The following GRIN2A variants were observed in gnomAD, a reference collection of about 807,000 sequenced individuals.
GRIN2A encodes the protein glutamate receptor ionotropic, NMDA 2A.
Under a neutral mutation model 113.4 loss-of-function variants are expected in GRIN2A, and 22 were observed. That is an observed-to-expected ratio of 0.19 (90% CI 0.14 to 0.28). The LOEUF (loss-of-function observed/expected upper bound fraction) is 0.28. GRIN2A is among the 10% of genes least tolerant of loss of function. The pLI is 1.00. For missense variants in GRIN2A, 1,502 were observed against 1,887.0 expected (o/e 0.80, Z 3.78); for synonymous variants, 827 against 738.4 (o/e 1.12, Z -1.94).
chr16:9,765,107 G>A (rs777361006), intron 12 of GRIN2A, among the ~76,000 whole-genome samples, 159 bp from the exon 13 acceptor site: 1 of 152,186 alleles, frequency 6.6e-6, no homozygotes, highest in Non-Finnish European at 1.5e-5. Context: ...GTCTCTTAAA[G>A]GTATGAGACA....
intron 2 of GRIN2A, among the ~76,000 whole-genome samples, chr16:10,050,088 T>C (rs1014647631): frequency 3.9e-5 from 6 of 152,174 alleles, no homozygotes; most frequent in Non-Finnish European, 8.8e-5. Context: ...ACAGAAGTGA[T>C]TGAGGATCTT....
chr16:9,758,111 CT>C lies in GRIN2A; in HGVS notation c.*5037del, dbSNP rs1255016421. On this transcript the variant is annotated 3_prime_UTR_variant, in exon 13 of 13. Transcript: ENST00000330684. ...GTAAACTTCATTTTTCTCATCTCTC[CT>C]CCCCTTCTCCTAACTTTTGGTGTGG... is the stretch of plus-strand genomic sequence containing the variant. The C allele has an allele frequency of 1.9e-5, 4 of 213,710 alleles. No homozygotes were observed. The highest frequency in any genetic ancestry group is 3.8e-5 in the Non-Finnish European group (4 of 105,796). The allele number at this position is 213,710 out of a possible 1,614,324, so 13.2% of individuals were successfully genotyped here.
intron 3 of GRIN2A, among the ~76,000 whole-genome samples, chr16:9,924,862 A>G (rs1317340930): frequency 6.6e-6 from 1 of 152,118 alleles, no homozygotes; most frequent in African/African-American, 2.4e-5. Flanking sequence ...GTAGTTTGAT[A>G]TGGTTCTTTA....
chr16:9,763,224 A>G lies in GRIN2A; in HGVS notation c.4320T>C (p.Ser1440=). ...PYAANKNNMY[S]TPRVLNSCSN... Reference sequence around the variant, plus strand: ...TGCAGGAATTTAAAACCCTGGGGGTAGAGTACATATTATTCTTATTTGCAG... The same window carrying G: ...TGCAGGAATTTAAAACCCTGGGGGTGGAGTACATATTATTCTTATTTGCAG... The change falls in exon 13 of 13, where the codon TCT becomes TCC. Residue 1440 remains serine, a synonymous_variant. Coordinates refer to ENST00000330684, the MANE Select transcript of GRIN2A (RefSeq NM_001134407.3). The G allele has an allele frequency of 6.2e-7, 1 of 1,613,956 alleles. No homozygotes were observed.
intron 2 of GRIN2A, among the ~76,000 whole-genome samples, chr16:10,015,293 AGGAAAG>A (rs2046588849): frequency 7.9e-6 from 1 of 125,942 alleles, no homozygotes. Context: ...AGAAAAAGAA[AGGAAAG>A]GAAAAGAAAA....
rs116692867 is a variant in GRIN2A at position 9,795,884 on chromosome 16, A to T, written c.2356+2393T>A. On this transcript the variant is annotated intron_variant, in intron 11 of 12. Coordinates refer to ENST00000330684, the MANE Select transcript of GRIN2A (RefSeq NM_001134407.3). Reference sequence around the variant, plus strand: ...CATCTCAAGAGTTTAGTCATCTTTGATAGATAACTTAGAGAATTAAATATA... The same window carrying T: ...CATCTCAAGAGTTTAGTCATCTTTGTTAGATAACTTAGAGAATTAAATATA... Among the ~76,000 whole-genome samples, 1,193 of 152,312 alleles carry T rather than the reference A, an allele frequency of 7.8e-3. 15 individuals are homozygous for T. The highest frequency in any genetic ancestry group is 0.027 in the African/African-American group (1,127 of 41,574).
intron 4 of GRIN2A, among the ~76,000 whole-genome samples, chr16:9,869,844 A>C (rs903580697): frequency 6.6e-6 from 1 of 152,220 alleles, no homozygotes; most frequent in African/African-American, 2.4e-5. Context: ...ACCAGCAGTC[A>C]GATGTCTGGC....
chr16:9,862,961 A>T (rs1194234366), intron 4 of GRIN2A, among the ~76,000 whole-genome samples: 1 of 152,186 alleles, frequency 6.6e-6, no homozygotes, highest in Non-Finnish European at 1.5e-5. Flanking sequence ...TGATCACCCC[A>T]ACGGGCATTT....
chr16:9,988,106 TACCAC>T (rs1215803570), intron 2 of GRIN2A, among the ~76,000 whole-genome samples: 1 of 152,028 alleles, frequency 6.6e-6, no homozygotes, highest in Non-Finnish European at 1.5e-5. Context: ...AACACCAACC[TACCAC>T]TTAGACGCAA....
chr16:10,045,733 T>C (rs755300452), intron 2 of GRIN2A, among the ~76,000 whole-genome samples: 2 of 152,256 alleles, frequency 1.3e-5, no homozygotes, highest in Non-Finnish European at 2.9e-5. Context: ...AAAGTCCTCC[T>C]GAAGCAGATC....
At chr16:9,788,740 C>CTTTT (rs748774026) in intron 11 of GRIN2A, among the ~76,000 whole-genome samples, 1 of 104,862 alleles carries the variant, frequency 9.5e-6, no homozygotes, top group East Asian at 2.4e-4. Flanking sequence ...TTTAAGTCTT[C>CTTTT]TTTTTTTTTT....
intron 9 of GRIN2A, among the ~76,000 whole-genome samples, chr16:9,826,864 G>C (rs923834118): frequency 2.6e-5 from 4 of 152,140 alleles, no homozygotes; most frequent in Admixed American, 2.6e-4. Context: ...ATGTTATTTA[G>C]ACCCAAAACT....
chr16:9,892,519 G>C (rs2043714529), intron 3 of GRIN2A, among the ~76,000 whole-genome samples: 1 of 152,140 alleles, frequency 6.6e-6, no homozygotes, highest in South Asian at 2.1e-4. Context: ...GATTAGATGA[G>C]GGGAAGGGAG....
At chr16:10,080,254 T>C (rs1202588635) in intron 2 of GRIN2A, among the ~76,000 whole-genome samples, 4 of 152,138 alleles carry the variant, frequency 2.6e-5, no homozygotes, top group Non-Finnish European at 5.9e-5. Flanking sequence ...CAAATATTTG[T>C]TGAATGAGCA....
chr16:10,024,622 T>C (rs141925508), intron 2 of GRIN2A, among the ~76,000 whole-genome samples: 1 of 152,352 alleles, frequency 6.6e-6, no homozygotes, highest in East Asian at 1.9e-4. Flanking sequence ...TCACAAGATA[T>C]GCCAAGATGG....
chr16:9,838,775 A>G (rs2042623872), intron 7 of GRIN2A, among the ~76,000 whole-genome samples: 1 of 152,192 alleles, frequency 6.6e-6, no homozygotes, highest in Non-Finnish European at 1.5e-5. Flanking sequence ...GAGATAAATG[A>G]AAGATGTGAA....
At chr16:10,083,262 C>T (rs973777903) in intron 2 of GRIN2A, among the ~76,000 whole-genome samples, 1 of 152,186 alleles carries the variant, frequency 6.6e-6, no homozygotes. Context: ...CACAACCAGT[C>T]CTTGCGTGAT....
chr16:9,873,440 C>T (rs990366980), intron 4 of GRIN2A, among the ~76,000 whole-genome samples: 1 of 152,086 alleles, frequency 6.6e-6, no homozygotes, highest in Non-Finnish European at 1.5e-5. Context: ...GTGGCTCATG[C>T]CTGTAATCCC....
At chr16:10,174,840 G>GA (rs142412213) in intron 2 of GRIN2A, among the ~76,000 whole-genome samples, 38,384 of 136,916 alleles carry the variant, frequency 0.28, 5,436 homozygotes, top group East Asian at 0.49. Context: ...CAGAGAACTG[G>GA]AAAAAAAAAA....
Sources: gnomAD v4.1 joint callset for allele counts (sites outside exome capture counted in the v4.1 genomes callset) on GRCh38, gnomAD v4.1.1 for gene constraint, MANE v1.5 for transcripts, NCBI Gene and HGNC (gene_info 2026-07-23, HGNC 2026-07-21) for gene names.